The following CASP4 variants were observed in gnomAD, a reference collection of about 807,000 sequenced individuals.
The protein encoded by CASP4 is caspase-4.
In CASP4, 29 loss-of-function variants were observed where a neutral mutation model predicts 41.3. That is an observed-to-expected ratio of 0.70 (90% CI 0.52 to 0.96). CASP4 has a LOEUF of 0.96. Among genes scored for constraint, CASP4 ranks in the 40% least tolerant of loss-of-function variants. The pLI is 0.00. For synonymous variants in CASP4, 185 were observed against 158.4 expected, an observed-to-expected ratio of 1.17 and a Z score of -1.26; for missense variants, 447 against 460.6, an observed-to-expected ratio of 0.97 and a Z score of 0.27.
chr11:104,964,130 T>C (rs965473817), intron 1 of CASP4, among the ~76,000 whole-genome samples: 3 of 152,248 alleles, frequency 2.0e-5, no homozygotes, highest in African/African-American at 7.2e-5. Context: ...TAGTCAATTA[T>C]AGCTTTAATA....
At chr11:104,966,784 T>C (rs1591137523) in intron 1 of CASP4, among the ~76,000 whole-genome samples, 1 of 152,088 alleles carries the variant, frequency 6.6e-6, no homozygotes, top group Non-Finnish European at 1.5e-5. Context: ...AATGGCAGAG[T>C]TTGAGAGTCA....
chr11:104,943,720 T>G (rs1157600387), intron 8 of CASP4: 1 of 152,216 alleles, frequency 6.6e-6, no homozygotes, highest in African/African-American at 2.4e-5. Context: ...CAGTTAGTGT[T>G]GGCAAATATT....
chr11:104,947,274 A>G, intron 6 of CASP4, 82 bp from the exon 7 acceptor site: 2 of 828,462 alleles, frequency 2.4e-6, no homozygotes, highest in Admixed American at 4.6e-5. Flanking sequence ...GAATGTTTTT[A>G]AAAAGAAAAG....
chr11:104,951,861 T>C, intron 3 of CASP4, 35 bp downstream of exon 3: 4 of 1,366,672 alleles, frequency 2.9e-6, no homozygotes, highest in Non-Finnish European at 4.2e-6. Flanking sequence ...TGATATCTCT[T>C]CTTTTTTTTC....
At position 104,952,021 on chromosome 11, in the gene CASP4, G is replaced by C. The variant is rs991773875; in HGVS notation, c.263-16C>G. 1 of 1,516,644 alleles carries C rather than the reference G, an allele frequency of 6.6e-7. No individual in the cohort carries two copies. Among genetic ancestry groups the C allele is most frequent in the Admixed American group, 1.7e-5 (1 of 59,656 alleles). The allele number at this position is 1,516,644 out of a possible 1,614,324, so 93.9% of individuals were successfully genotyped here. On this transcript the variant is annotated splice_polypyrimidine_tract_variant and intron_variant, in intron 2 of 8. Transcript: ENST00000444739. ...TTCGGATGAGCTGCAGGATATTGCA[G>C]AACATAAATTGTGATTTCTGCCTCT...
At chr11:104,963,760 T>C (rs1860913296) in intron 1 of CASP4, among the ~76,000 whole-genome samples, 2 of 152,168 alleles carry the variant, frequency 1.3e-5, no homozygotes, top group African/African-American at 4.8e-5. Flanking sequence ...TGCAATAAAA[T>C]GCAGGTTAGA....
chr11:104,945,423 G>T (rs1044699614), intron 7 of CASP4, among the ~76,000 whole-genome samples: 96 of 151,790 alleles, frequency 6.3e-4, no homozygotes, highest in African/African-American at 2.1e-3. Context: ...TAGCTAATTG[G>T]TTTTTTGTAT....
chr11:104,955,759 G>A (rs949099950), intron 1 of CASP4, among the ~76,000 whole-genome samples: 6 of 152,174 alleles, frequency 3.9e-5, no homozygotes, highest in African/African-American at 1.4e-4. Context: ...AGATACCAAA[G>A]TAATACATCC....
rs535001264 is a variant in CASP4, at chr11:104,960,863, A to G, written c.8-5862T>C. ...TTTATGCTCTGTGAGGACAGGGGCC[A>G]TGAACTACATCTGCACTATTTTTGG... On this transcript the variant is annotated intron_variant, in intron 1 of 8. Coordinates refer to ENST00000444739, the MANE Select transcript of CASP4 (RefSeq NM_001225.4). 2.6e-4 allele frequency among the ~76,000 whole-genome samples: 40 copies of G among 152,284 alleles called. No individual in the cohort carries two copies. The South Asian group carries it at 6.2e-3, about 24-fold the overall frequency.
chr11:104,956,814 G>C (rs1349975404), intron 1 of CASP4: 2 of 158,164 alleles, frequency 1.3e-5, no homozygotes, highest in African/African-American at 2.4e-5. Context: ...CCTGAGTTCT[G>C]GGCTTCTGTT....
chr11:104,954,621 A>G, intron 2 of CASP4, 126 bp downstream of exon 2: 2 of 901,158 alleles, frequency 2.2e-6, no homozygotes, highest in Admixed American at 2.4e-5. Flanking sequence ...GGACAAAGAT[A>G]GGTTTAGTGA....
At chr11:104,949,898 T>C (rs1860566212) in intron 4 of CASP4, 121 bp from the exon 5 acceptor site, 3 of 882,168 alleles carry the variant, frequency 3.4e-6, no homozygotes, top group South Asian at 1.6e-5. Context: ...CTTCACTTAG[T>C]GCTTACTCAG....
At position 104,948,428 on chromosome 11, in the gene CASP4, A is replaced by G; in HGVS notation, c.925+105T>C. On this transcript the variant is annotated intron_variant, in intron 6 of 8. Transcript: ENST00000444739. Reference sequence around the variant, plus strand: ...CATGTAAAATATGTGGAGAGCACACAACATTCTATCAGATCATTGTTTCAT... The same window carrying G: ...CATGTAAAATATGTGGAGAGCACACGACATTCTATCAGATCATTGTTTCAT... The G allele has an allele frequency of 2.5e-6, 3 of 1,180,520 alleles. No individual in the cohort carries two copies. The South Asian group carries it at 6.0e-5, about 23-fold the overall frequency. The allele number at this position is 1,180,520 out of a possible 1,614,324, so 73.1% of individuals were successfully genotyped here.
At position 104,946,009 on chromosome 11, in the gene CASP4, C is replaced by T. The variant is rs190118795; in HGVS notation, c.1035+1074G>A. On this transcript the variant is annotated intron_variant, in intron 7 of 8. Transcript: ENST00000444739. ...TACAGGTTCCAGTCAATATGCCCGGCTAATTTTTGTATTTTTTGTAGAGAT... is the reference window on the plus strand; with the variant it reads ...TACAGGTTCCAGTCAATATGCCCGGTTAATTTTTGTATTTTTTGTAGAGAT... Among the ~76,000 whole-genome samples, 15 of 152,082 alleles carry T rather than the reference C, an allele frequency of 9.9e-5. No homozygotes were observed. The East Asian group carries it at 2.9e-3, about 30-fold the overall frequency.
At chr11:104,956,514 G>A (rs762485045) in intron 1 of CASP4, 5 of 223,836 alleles carry the variant, frequency 2.2e-5, no homozygotes, top group African/African-American at 9.4e-5. Flanking sequence ...AGAACACCGA[G>A]TATATAGTAA....
Position 104,954,874 on chromosome 11 carries a change from A to G in CASP4, c.135T>C (p.Tyr45=), listed in dbSNP as rs754353364. The G allele has an allele frequency of 1.2e-6, 2 of 1,613,740 alleles. No individual in the cohort carries two copies. The highest frequency in any genetic ancestry group is 1.7e-6 in the Non-Finnish European group (2 of 1,179,784). The change falls in exon 2 of 9, where the codon TAT becomes TAC. Residue 45 remains tyrosine, a synonymous_variant. Coordinates refer to ENST00000444739, the MANE Select transcript of CASP4 (RefSeq NM_001225.4). ...LNWKEEEKKK[Y]YDAKTEDKVR... ...CTTTGTCTTCAGTTTTAGCATCGTA[A>G]TATTTCTTTTTTTCCTCTTCCTTCC...
chr11:104,953,626 A>C (rs1860667189), intron 2 of CASP4, among the ~76,000 whole-genome samples: 1 of 152,160 alleles, frequency 6.6e-6, no homozygotes, highest in Admixed American at 6.6e-5. Flanking sequence ...TTCTTCATAG[A>C]GGAGTGCTGA....
intron 4 of CASP4, 54 bp from the exon 5 acceptor site, chr11:104,949,831 A>G: frequency 1.3e-6 from 2 of 1,541,066 alleles, no homozygotes; most frequent in Non-Finnish European, 1.8e-6. Flanking sequence ...ATTAAAGGGG[A>G]CTCCTAGATT....
chr11:104,954,781 A>G lies in CASP4; in HGVS notation c.228T>C (p.Phe76=). The G allele has an allele frequency of 2.5e-6, 4 of 1,613,628 alleles. No homozygotes were observed. Among genetic ancestry groups the G allele is most frequent in the Non-Finnish European group, 3.4e-6 (4 of 1,179,670 alleles). Residue 76 remains phenylalanine (F), a synonymous_variant, in exon 2 of 9, where the codon TTT becomes TTC. Transcript: ENST00000444739. ...RMAGQMLLQT[F]FNIDQISPNK... is the part of the protein sequence containing the mutation. The stretch of plus-strand genomic sequence containing the variant: ...TGGGGGATATTTGGTCTATGTTAAA[A>G]AAGGTTTGAAGAAGCATTTGTCCTG...
Sources: allele counts gnomAD v4.1 joint callset (sites outside exome capture counted in the v4.1 genomes callset), GRCh38; gene constraint gnomAD v4.1.1; transcripts MANE v1.5; gene names NCBI Gene and HGNC (gene_info 2026-07-23, HGNC 2026-07-21).